CREBBP: variants seen among roughly 807,000 people sequenced by gnomAD.
CREBBP encodes the protein CREB binding lysine acetyltransferase.
A neutral mutation model predicts 265.0 loss-of-function variants in CREBBP; 19 were observed. That is an observed-to-expected ratio of 0.07 (90% CI 0.05 to 0.11). The LOEUF is 0.11. CREBBP is among the 10% of genes least tolerant of loss of function. The pLI is 1.00. For synonymous variants in CREBBP, 1,457 were observed against 1,223.7 expected, an observed-to-expected ratio of 1.19 and a Z score of -3.98; for missense variants, 2,525 against 3,219.0, an observed-to-expected ratio of 0.78 and a Z score of 5.22.
chr16:3,818,303 C>CTTTT (rs71133660), intron 2 of CREBBP, among the ~76,000 whole-genome samples: 64 of 106,436 alleles, frequency 6.0e-4, no homozygotes, highest in African/African-American at 7.4e-4. Context: ...GTTTTCTTTT[C>CTTTT]TTTTTTTTTT....
At chr16:3,742,002 C>A (rs1596817267) in intron 23 of CREBBP, 1 of 152,178 alleles carries the variant, frequency 6.6e-6, no homozygotes, top group African/African-American at 2.4e-5. Context: ...ATGGCGTGAA[C>A]CCGGGAGGCA....
intron 2 of CREBBP, among the ~76,000 whole-genome samples, chr16:3,835,576 C>CTT (rs1021938849): frequency 0.012 from 1,378 of 117,412 alleles, 45 homozygotes; most frequent in African/African-American, 0.038. Context: ...AAGATTTCTT[C>CTT]TTTTTTTTTT....
At position 3,793,542 on chromosome 16, in the gene CREBBP, T is replaced by A. The variant is rs1384119979; in HGVS notation, c.1060A>T (p.Ile354Leu). The change falls in exon 4 of 31, where the codon ATA becomes TTA. Residue 354 changes from isoleucine (I) to leucine (L), a missense_variant. This residue lies in a region of CREBBP where 126 missense variants were observed against 171.9 expected (regional missense o/e 0.73). Coordinates refer to ENST00000262367, the MANE Select transcript of CREBBP (RefSeq NM_004380.3). Reference sequence around the variant, plus strand: ...AGCAGTAGAACCAGCTGCTGCTGTATCAGTTTGCGTTTTTCAGGATCTGCA... The same window carrying A: ...AGCAGTAGAACCAGCTGCTGCTGTAACAGTTTGCGTTTTTCAGGATCTGCA... ...PTADPEKRKLIQQQLVLLLHA... is the reference protein window; with the variant it reads ...PTADPEKRKLLQQQLVLLLHA... 6.2e-7 allele frequency: 1 copy of A among 1,614,204 alleles called. No individual in the cohort carries two copies. The highest frequency in any genetic ancestry group is 8.5e-7 in the Non-Finnish European group (1 of 1,180,046).
chr16:3,787,070 C>CAAAAAAAAAAAAAAA (rs757962926), intron 5 of CREBBP, among the ~76,000 whole-genome samples: 28 of 86,952 alleles, frequency 3.2e-4, no homozygotes, highest in African/African-American at 1.0e-3. Context: ...GACTTCGTCT[C>CAAAAAAAAAAAAAAA]AAAAAAAAAA....
intron 1 of CREBBP, among the ~76,000 whole-genome samples, chr16:3,865,813 AT>A: frequency 6.6e-6 from 1 of 152,048 alleles, no homozygotes; most frequent in East Asian, 1.9e-4. Flanking sequence ...TAATTTTTGT[AT>A]TTTAGTAGAG....
chr16:3,803,546 T>C (rs1256973617), intron 3 of CREBBP, among the ~76,000 whole-genome samples: 1 of 151,826 alleles, frequency 6.6e-6, no homozygotes, highest in Non-Finnish European at 1.5e-5. Context: ...CTAAATTCAA[T>C]AGGGAAATAA....
intron 20 of CREBBP, among the ~76,000 whole-genome samples, chr16:3,750,081 G>T (rs80202046): frequency 0.029 from 4,486 of 152,070 alleles, 202 homozygotes; most frequent in East Asian, 0.19. Context: ...GGAGATGAGG[G>T]TCTCATTATG....
chr16:3,819,702 A>C (rs2054105990), intron 2 of CREBBP, among the ~76,000 whole-genome samples: 1 of 152,180 alleles, frequency 6.6e-6, no homozygotes, highest in Non-Finnish European at 1.5e-5. Flanking sequence ...TCCAGTTTTC[A>C]TTCTACATTG....
In CREBBP at chr16:3,850,377, C is replaced by T. The variant is rs1882929418; in HGVS notation, c.718G>A (p.Ala240Thr). 6.2e-7 allele frequency: 1 copy of T among 1,614,242 alleles called. No homozygotes were observed. Among genetic ancestry groups the T allele is most frequent in the Non-Finnish European group, 8.5e-7 (1 of 1,180,042 alleles). ...AMQGASSSVLAETLTQVSPQM... is the reference protein window; with the variant it reads ...AMQGASSSVLTETLTQVSPQM... ...GGGGAAACCTGCGTTAGGGTCTCAG[C>T]CAGCACGCTGCTCGAGGCGCCCTGC... Residue 240 changes from alanine to threonine, a missense_variant, in exon 2 of 31, where the codon GCT becomes ACT. By Grantham distance (58) the Ala-to-Thr change is moderately conservative. Transcript: ENST00000262367.
intron 2 of CREBBP, among the ~76,000 whole-genome samples, chr16:3,849,441 GTGT>G (rs1567360453): frequency 0.02 from 362 of 17,940 alleles, 32 homozygotes; most frequent in Non-Finnish European, 0.044. Flanking sequence ...GTGTGTGTGT[GTGT>G]GTGTGTGTGT....
intron 1 of CREBBP, among the ~76,000 whole-genome samples, chr16:3,873,772 G>A (rs1337351085): frequency 6.6e-6 from 1 of 152,170 alleles, no homozygotes. Context: ...TTTGGTGGCC[G>A]GGTGGGAGCC....
intron 28 of CREBBP, among the ~76,000 whole-genome samples, 167 bp from the exon 29 acceptor site, chr16:3,732,104 C>T (rs997050102): frequency 3.9e-5 from 6 of 152,168 alleles, no homozygotes; most frequent in Admixed American, 1.3e-4. Context: ...CTGCAGCCTT[C>T]GGGACAGAGC....
chr16:3,734,863 G>T (rs1001293643), intron 28 of CREBBP, among the ~76,000 whole-genome samples: 2 of 152,158 alleles, frequency 1.3e-5, no homozygotes, highest in African/African-American at 4.8e-5. Flanking sequence ...GCTCTCATAT[G>T]GGACAGGCAC....
At chr16:3,837,142 A>G (rs1223669540) in intron 2 of CREBBP, among the ~76,000 whole-genome samples, 2 of 152,310 alleles carry the variant, frequency 1.3e-5, no homozygotes, top group East Asian at 3.9e-4. Context: ...TTGTCATTAT[A>G]GGAGATGACA....
intron 19 of CREBBP, among the ~76,000 whole-genome samples, chr16:3,756,849 C>T (rs1027492480): frequency 3.3e-5 from 5 of 152,138 alleles, no homozygotes; most frequent in African/African-American, 1.2e-4. Flanking sequence ...CAACTTCAGA[C>T]GCTTGCTTCT....
At chr16:3,762,629 C>T (rs562609608) in intron 16 of CREBBP, among the ~76,000 whole-genome samples, 2 of 152,162 alleles carry the variant, frequency 1.3e-5, no homozygotes, top group African/African-American at 2.4e-5. Context: ...GCTGTTGCAG[C>T]GCACCAGCAT....
At chr16:3,826,878 T>G (rs954238045) in intron 2 of CREBBP, among the ~76,000 whole-genome samples, 1 of 152,186 alleles carries the variant, frequency 6.6e-6, no homozygotes, top group Admixed American at 6.5e-5. Context: ...TCATTACTTA[T>G]GACAAACACA....
intron 20 of CREBBP, among the ~76,000 whole-genome samples, chr16:3,751,335 C>T (rs1358549940): frequency 6.6e-6 from 1 of 152,146 alleles, no homozygotes; most frequent in African/African-American, 2.4e-5. Context: ...AGACTGTAAT[C>T]CCAGCACTTT....
In CREBBP at chr16:3,832,733, G is replaced by A. The variant is rs535785678; in HGVS notation, c.798+17564C>T. On this transcript the variant is annotated intron_variant, in intron 2 of 30. Coordinates refer to ENST00000262367, the MANE Select transcript of CREBBP (RefSeq NM_004380.3). ...TGTAGTCTGCTGCTGACCAAAATTC[G>A]TTATGTAGCACATTACTGTGGAAGC... 8.5e-5 allele frequency among the ~76,000 whole-genome samples: 13 copies of A among 152,230 alleles called. No homozygotes were observed. In the South Asian group the frequency reaches 1.9e-3, roughly 22 times the overall value.
Sources: gnomAD v4.1 joint callset for allele counts (sites outside exome capture counted in the v4.1 genomes callset) on GRCh38, gnomAD v4.1.1 for gene constraint, gnomAD v4.1.1 regional missense constraint, MANE v1.5 for transcripts, NCBI Gene and HGNC (gene_info 2026-07-23, HGNC 2026-07-21) for gene names.